Variants in RNLS observed in about 807,000 individuals in gnomAD.
RNLS encodes renalase, FAD dependent amine oxidase.
In RNLS, 39 loss-of-function variants were observed where a neutral mutation model predicts 39.8. That is an observed-to-expected ratio of 0.98 (90% CI 0.76 to 1.28). RNLS has a LOEUF of 1.28. Among genes scored for constraint, RNLS ranks in the 50% most tolerant of loss-of-function variants. The probability of loss-of-function intolerance (pLI) is 0.00; values close to 1 mark genes in which losing one functional copy is unlikely to be tolerated. For synonymous variants in RNLS, 147 were observed against 150.7 expected (o/e 0.98, Z 0.18); for missense variants, 410 against 413.3 (o/e 0.99, Z 0.07).
In RNLS at chr10:88,445,523, A is replaced by G. The variant is rs553337497; in HGVS notation, c.527-82798T>C. Among the ~76,000 whole-genome samples the G allele has an allele frequency of 6.6e-4, 100 of 152,310 alleles. 1 individual carries two copies. In the South Asian group the frequency reaches 6.8e-3, roughly 10 times the overall value. ...CCAATTAAAAGACACAGACTGGCAA[A>G]TTGGATAGAGTCAAGACTCATCAGT... On this transcript the variant is annotated intron_variant, in intron 4 of 6. Coordinates refer to ENST00000331772, the MANE Select transcript of RNLS (RefSeq NM_001031709.3).
intron 4 of RNLS, among the ~76,000 whole-genome samples, chr10:88,495,600 G>A (rs1372743077): frequency 6.6e-6 from 1 of 152,150 alleles, no homozygotes; most frequent in Non-Finnish European, 1.5e-5. Context: ...ACCAGTGGGG[G>A]ATGAGAGAGG....
intron 6 of RNLS, among the ~76,000 whole-genome samples, chr10:88,287,596 C>A (rs899034624): frequency 6.6e-6 from 1 of 152,022 alleles, no homozygotes; most frequent in African/African-American, 2.4e-5. Context: ...TAAGAACTTC[C>A]CTGAGACTGG....
At chr10:88,523,071 C>A (rs1846857202) in intron 4 of RNLS, among the ~76,000 whole-genome samples, 1 of 151,972 alleles carries the variant, frequency 6.6e-6, no homozygotes, top group Non-Finnish European at 1.5e-5. Context: ...GAAGAGGGAG[C>A]AATTCTATAA....
At chr10:88,213,928 T>A in the RNLS span, among the ~76,000 whole-genome samples, 28 of 152,218 alleles carry the variant, frequency 1.8e-4, no homozygotes, top group Non-Finnish European at 3.2e-4. Context: ...AACAAAATCC[T>A]AACCTAAACT....
chr10:88,473,933 C>T (rs1235188232), intron 4 of RNLS, among the ~76,000 whole-genome samples: 1 of 152,162 alleles, frequency 6.6e-6, no homozygotes, highest in African/African-American at 2.4e-5. Flanking sequence ...GTGCAGAAGA[C>T]AGCATGTTCC....
intron 4 of RNLS, among the ~76,000 whole-genome samples, chr10:88,382,115 T>TACTG (rs1425555139): frequency 1.2e-4 from 18 of 152,118 alleles, no homozygotes; most frequent in African/African-American, 4.1e-4. Flanking sequence ...CTACAAATCA[T>TACTG]ACTGACATAG....
chr10:88,564,341 AC>A, intron 4 of RNLS, among the ~76,000 whole-genome samples: 1 of 151,950 alleles, frequency 6.6e-6, no homozygotes, highest in Admixed American at 6.6e-5. Context: ...ACACACACAC[AC>A]ACACATGCAC....
the RNLS span, among the ~76,000 whole-genome samples, chr10:88,181,548 A>G: frequency 6.6e-6 from 1 of 152,180 alleles, no homozygotes; most frequent in Non-Finnish European, 1.5e-5. Flanking sequence ...GTCATTTTCA[A>G]TTTCTCACTA....
chr10:88,414,338 G>A (rs555683644), intron 4 of RNLS, among the ~76,000 whole-genome samples: 4 of 152,184 alleles, frequency 2.6e-5, no homozygotes, highest in African/African-American at 9.6e-5. Context: ...GGAAGGATGA[G>A]GCTGTTATTT....
intron 4 of RNLS, among the ~76,000 whole-genome samples, chr10:88,545,996 G>A (rs1338109564): frequency 1.3e-5 from 2 of 152,042 alleles, no homozygotes; most frequent in Non-Finnish European, 2.9e-5. Flanking sequence ...TAAAAATTAT[G>A]TGAAGGGCCA....
At chr10:88,202,048 C>G in the RNLS span, among the ~76,000 whole-genome samples, 2 of 151,902 alleles carry the variant, frequency 1.3e-5, no homozygotes, top group Non-Finnish European at 1.5e-5. Context: ...GGAACCAACC[C>G]AAATGTCCAT....
At chr10:88,576,361 T>C (rs1850211455) in intron 3 of RNLS, among the ~76,000 whole-genome samples, 2 of 152,220 alleles carry the variant, frequency 1.3e-5, no homozygotes, top group East Asian at 1.9e-4. Flanking sequence ...TCTAAGAAGG[T>C]TTAAACATTT....
chr10:88,571,211 G>C (rs773261031), intron 4 of RNLS, among the ~76,000 whole-genome samples: 11 of 151,662 alleles, frequency 7.3e-5, no homozygotes, highest in Non-Finnish European at 1.2e-4. Context: ...CGAACACCTG[G>C]GCTCAAGCAA....
chr10:88,424,878 G>C (rs1049192404), intron 4 of RNLS, among the ~76,000 whole-genome samples: 3 of 152,124 alleles, frequency 2.0e-5, no homozygotes, highest in Non-Finnish European at 4.4e-5. Flanking sequence ...GCTGCTCTGA[G>C]ATTTGGAGCA....
chr10:88,354,125 G>A (rs554667051), intron 5 of RNLS, among the ~76,000 whole-genome samples: 81 of 152,204 alleles, frequency 5.3e-4, no homozygotes, highest in African/African-American at 1.8e-3. Context: ...AAGTGAGATG[G>A]GTTTCCTGAA....
intron 4 of RNLS, among the ~76,000 whole-genome samples, chr10:88,510,834 A>G (rs1227902047): frequency 6.6e-6 from 1 of 151,324 alleles, no homozygotes; most frequent in Non-Finnish European, 1.5e-5. Flanking sequence ...GCAACAGAGC[A>G]AGATTCTGTT....
intron 4 of RNLS, among the ~76,000 whole-genome samples, chr10:88,440,526 C>A (rs1841651937): frequency 6.6e-6 from 1 of 152,228 alleles, no homozygotes. Flanking sequence ...GGAAAGACTT[C>A]AAGTTTAGCT....
At chr10:88,266,484 A>C in the RNLS span, among the ~76,000 whole-genome samples, 27 of 152,170 alleles carry the variant, frequency 1.8e-4, no homozygotes, top group Non-Finnish European at 3.5e-4. Flanking sequence ...GATGCCCAGC[A>C]GTCTCAGTAT....
chr10:88,349,168 C>T (rs770490571), intron 5 of RNLS, among the ~76,000 whole-genome samples: 5 of 152,106 alleles, frequency 3.3e-5, no homozygotes, highest in Non-Finnish European at 7.4e-5. Context: ...TTCAATTGTG[C>T]TGAAAGACAC....
Sources: gnomAD v4.1 joint callset for allele counts (sites outside exome capture counted in the v4.1 genomes callset) on GRCh38, gnomAD v4.1.1 for gene constraint, MANE v1.5 for transcripts, NCBI Gene and HGNC (gene_info 2026-07-23, HGNC 2026-07-21) for gene names.